The following TESC variants were observed in gnomAD, a reference collection of about 807,000 sequenced individuals.
The protein encoded by TESC is calcineurin B homologous protein 3.
TESC carries 19 observed loss-of-function variants against 31.0 expected under a neutral mutation model. The observed-to-expected ratio is 0.61, with a 90% CI of 0.43 to 0.90. The LOEUF is 0.90. Ranked by LOEUF, TESC falls within the 40% of genes least tolerant of loss-of-function variation. The pLI is 0.00. For missense variants in TESC, 248 were observed against 303.8 expected, an observed-to-expected ratio of 0.82 and a Z score of 1.36; for synonymous variants, 109 against 114.8, an observed-to-expected ratio of 0.95 and a Z score of 0.32.
chr12:117,095,840 C>T (rs1180772150), intron 1 of TESC, among the ~76,000 whole-genome samples: 1 of 152,006 alleles, frequency 6.6e-6, no homozygotes, highest in Admixed American at 6.5e-5. Context: ...GATCATGCCC[C>T]TTGCACTCCA....
chr12:117,090,031 CA>C (rs996237901), intron 1 of TESC, among the ~76,000 whole-genome samples: 2 of 151,388 alleles, frequency 1.3e-5, no homozygotes, highest in African/African-American at 4.9e-5. Context: ...GCAACAAGAC[CA>C]AAAACGAATC....
chr12:117,054,692 A>G (rs1270528205), intron 3 of TESC, among the ~76,000 whole-genome samples: 1 of 152,112 alleles, frequency 6.6e-6, no homozygotes, highest in Non-Finnish European at 1.5e-5. Context: ...CACCTTGTCC[A>G]GGGTCCCACA....
At position 117,066,200 on chromosome 12, in the gene TESC, C is replaced by CTTTTTTTTTTTTTT. The variant is rs58829406; in HGVS notation, c.128+9057_128+9070dup. ...TGTCTGCCCTGTTTCCTTCCTTTAG[C>CTTTTTTTTTTTTTT]TTTTTTTTTTTTTTTTTTTTTTTTG... On this transcript the variant is annotated intron_variant, in intron 2 of 7. Transcript: ENST00000335209. Among the ~76,000 whole-genome samples, 424 of 62,978 alleles carry CTTTTTTTTTTTTTT rather than the reference C, an allele frequency of 6.7e-3. 64 individuals are homozygous for CTTTTTTTTTTTTTT. The highest frequency in any genetic ancestry group is 0.013 in the African/African-American group (157 of 11,754). 41.3% of individuals were successfully genotyped at this position (62,978 alleles called of 152,430 possible).
Position 117,099,374 on chromosome 12 carries a change from C to T in TESC, c.-92G>A. 1.6e-6 allele frequency: 2 copies of T among 1,257,880 alleles called. No homozygotes were observed. Among genetic ancestry groups the T allele is most frequent in the Non-Finnish European group, 2.0e-6 (2 of 987,924 alleles). The allele number at this position is 1,257,880 out of a possible 1,614,324, so 77.9% of individuals were successfully genotyped here. A position where few individuals can be genotyped will look rare whatever the true frequency, so the allele number is the denominator to read the frequency against. On this transcript the variant is annotated 5_prime_UTR_variant, in exon 1 of 8. Coordinates refer to ENST00000335209, the MANE Select transcript of TESC (RefSeq NM_017899.4). ...GCGGCGGGACTGGCCTCGGGTCCGG[C>T]CTCGGGTCGGGACGCCGGCGAAGGC... is the stretch of plus-strand genomic sequence containing the variant.
At chr12:117,087,517 T>C (rs186936968) in intron 1 of TESC, among the ~76,000 whole-genome samples, 201 of 152,308 alleles carry the variant, frequency 1.3e-3, no homozygotes, top group African/African-American at 4.4e-3. Flanking sequence ...ACAGAGTGAA[T>C]TGACTTTAGA....
At chr12:117,067,312 C>T (rs545940655) in intron 2 of TESC, among the ~76,000 whole-genome samples, 2 of 152,284 alleles carry the variant, frequency 1.3e-5, no homozygotes, top group South Asian at 4.1e-4. Flanking sequence ...TGCCTGTAAT[C>T]CTAGCACTTT....
chr12:117,075,885 A>ATATATATATATATATATATGTGTG (rs1565971489), intron 1 of TESC, among the ~76,000 whole-genome samples: 1 of 46,258 alleles, frequency 2.2e-5, no homozygotes, highest in Non-Finnish European at 3.9e-5. Flanking sequence ...GTATATATAT[A>ATATATATATATATATATATGTGTG]TATATATATA....
Position 117,091,499 on chromosome 12 carries a change from T to C in TESC, c.58+7726A>G, listed in dbSNP as rs556406956. Among the ~76,000 whole-genome samples the C allele has an allele frequency of 1.1e-3, 169 of 152,328 alleles. 1 individual carries two copies. Among genetic ancestry groups the C allele is most frequent in the African/African-American group, 4.0e-3 (165 of 41,582 alleles). ...AAAAAATATCCTGCCAGGATGGCAG[T>C]AGGGGAGGCAAGAAAGAAAGATGCA... is the stretch of plus-strand genomic sequence containing the variant. On this transcript the variant is annotated intron_variant, in intron 1 of 7. Transcript: ENST00000335209.
chr12:117,066,199 G>GTTTTTTTTTTT (rs1207238840), intron 2 of TESC, among the ~76,000 whole-genome samples: 1 of 72,612 alleles, frequency 1.4e-5, no homozygotes, highest in South Asian at 5.0e-4. Flanking sequence ...CCTTCCTTTA[G>GTTTTTTTTTTT]CTTTTTTTTT....
At chr12:117,080,160 A>G (rs1955126355) in intron 1 of TESC, among the ~76,000 whole-genome samples, 1 of 152,140 alleles carries the variant, frequency 6.6e-6, no homozygotes, top group Admixed American at 6.5e-5. Context: ...AAGAGTTTCC[A>G]GTTAACAGTA....
chr12:117,049,164 G>A lies in TESC; in HGVS notation c.210-6C>T. ...TGGGTCCCTTGCGCAGGTTCCTACG[G>A]GAGCAACAAGGAGGGTGTTGGAAAT... On this transcript the variant is annotated splice_region_variant and splice_polypyrimidine_tract_variant and intron_variant, in intron 3 of 7. Coordinates refer to ENST00000335209, the MANE Select transcript of TESC (RefSeq NM_017899.4). 3 of 1,614,128 alleles carry A rather than the reference G, an allele frequency of 1.9e-6. No homozygotes were observed. The highest frequency in any genetic ancestry group is 1.3e-5 in the African/African-American group (1 of 75,052).
intron 2 of TESC, among the ~76,000 whole-genome samples, chr12:117,074,479 T>C (rs1415751945): frequency 1.3e-5 from 2 of 152,188 alleles, no homozygotes; most frequent in African/African-American, 4.8e-5. Flanking sequence ...CAAAACACAA[T>C]GCAGAAGGTT....
chr12:117,050,449 G>T (rs146653967), intron 3 of TESC, among the ~76,000 whole-genome samples: 159 of 152,350 alleles, frequency 1.0e-3, no homozygotes, highest in South Asian at 4.3e-3. Flanking sequence ...GCCAAGGATT[G>T]AAAGTTTTGT....
rs117801258 is a variant in TESC at position 117,052,480 on chromosome 12, C to A, written c.210-3322G>T. Among the ~76,000 whole-genome samples the A allele has an allele frequency of 2.9e-3, 443 of 152,292 alleles. 15 individuals carry two copies. In the East Asian group the frequency reaches 0.075, roughly 26 times the overall value. On this transcript the variant is annotated intron_variant, in intron 3 of 7. Transcript: ENST00000335209. ...TGTTCTGGGTGCAGGCCAGAGGAAA[C>A]CCTTTTTAAAATCATCCCCTCCCTC...
intron 1 of TESC, among the ~76,000 whole-genome samples, chr12:117,096,354 G>T (rs986202390): frequency 3.3e-5 from 5 of 152,184 alleles, no homozygotes; most frequent in African/African-American, 9.7e-5. Flanking sequence ...GAAGGGCCCT[G>T]CCTGACCCAC....
intron 1 of TESC, among the ~76,000 whole-genome samples, chr12:117,096,600 A>G (rs1955399524): frequency 6.6e-6 from 1 of 152,174 alleles, no homozygotes; most frequent in East Asian, 1.9e-4. Context: ...CAAACCATGT[A>G]CATGTGTTTG....
intron 3 of TESC, among the ~76,000 whole-genome samples, chr12:117,050,380 G>A (rs1012168681): frequency 3.0e-4 from 46 of 152,214 alleles, no homozygotes; most frequent in African/African-American, 9.6e-4. Flanking sequence ...CAAAATTTTA[G>A]GATGGTGATT....
intron 1 of TESC, among the ~76,000 whole-genome samples, chr12:117,075,893 A>ATATATATATATATATGTGTGTGTGTGTG (rs1955057174): frequency 1.2e-5 from 1 of 82,178 alleles, no homozygotes; most frequent in African/African-American, 7.0e-5. Flanking sequence ...ATATATATAT[A>ATATATATATATATATGTGTGTGTGTGTG]TATATATATA....
intron 1 of TESC, among the ~76,000 whole-genome samples, chr12:117,096,711 G>C (rs1955401330): frequency 1.3e-5 from 2 of 152,338 alleles, no homozygotes; most frequent in South Asian, 2.1e-4. Flanking sequence ...GAGGCTCAGA[G>C]AGCATAAGTG....
Sources: gnomAD v4.1 joint callset for allele counts (sites outside exome capture counted in the v4.1 genomes callset) on GRCh38, gnomAD v4.1.1 for gene constraint, MANE v1.5 for transcripts, NCBI Gene and HGNC (gene_info 2026-07-23, HGNC 2026-07-21) for gene names.